The following SPOCK1 variants were observed in gnomAD, a reference collection of about 807,000 sequenced individuals.
SPOCK1 encodes SPARC (osteonectin), cwcv and kazal like domains proteoglycan 1.
Under a neutral mutation model 55.3 loss-of-function variants are expected in SPOCK1, and 23 were observed. The observed-to-expected ratio is 0.42, with a 90% CI of 0.30 to 0.59. SPOCK1 has a LOEUF of 0.59. SPOCK1 is among the 20% of genes least tolerant of loss of function. SPOCK1 has a pLI of 0.22. For missense variants in SPOCK1, 499 were observed against 552.5 expected (o/e 0.90, Z 0.97); for synonymous variants, 226 against 221.0 (o/e 1.02, Z -0.20).
At chr5:136,983,049 C>A (rs1750763524) in intron 9 of SPOCK1, among the ~76,000 whole-genome samples, 1 of 152,132 alleles carries the variant, frequency 6.6e-6, no homozygotes, top group Admixed American at 6.5e-5. Context: ...TGATAGTGTG[C>A]ATCTTCTATG....
intron 5 of SPOCK1, among the ~76,000 whole-genome samples, chr5:137,109,018 T>G (rs959576263): frequency 9.2e-5 from 14 of 152,226 alleles, no homozygotes; most frequent in African/African-American, 3.1e-4. Context: ...CACTGCTCTT[T>G]GCAGCTCAAG....
intron 4 of SPOCK1, among the ~76,000 whole-genome samples, chr5:137,138,398 T>C (rs985613438): frequency 6.6e-6 from 1 of 152,098 alleles, no homozygotes; most frequent in Non-Finnish European, 1.5e-5. Context: ...TCAAACCGAT[T>C]TGAGTTTAAA....
intron 2 of SPOCK1, among the ~76,000 whole-genome samples, chr5:137,298,738 A>C (rs899293975): frequency 2.0e-5 from 3 of 152,142 alleles, no homozygotes; most frequent in Non-Finnish European, 2.9e-5. Context: ...TATTCTTATG[A>C]AGTACCTCTC....
intron 4 of SPOCK1, among the ~76,000 whole-genome samples, chr5:137,115,136 C>T (rs139586506): frequency 6.6e-6 from 1 of 152,112 alleles, no homozygotes; most frequent in East Asian, 1.9e-4. Flanking sequence ...TATCAGAGGG[C>T]CTGGTGCATC....
chr5:137,263,276 T>C (rs1452633801), intron 3 of SPOCK1, among the ~76,000 whole-genome samples: 1 of 152,218 alleles, frequency 6.6e-6, no homozygotes, highest in Non-Finnish European at 1.5e-5. Context: ...ATAATGAGCA[T>C]GTGAATCTTC....
At chr5:137,400,123 G>T (rs1440523816) in intron 2 of SPOCK1, among the ~76,000 whole-genome samples, 1 of 152,196 alleles carries the variant, frequency 6.6e-6, no homozygotes, top group African/African-American at 2.4e-5. Context: ...AGTTAACTGG[G>T]ATATTCTTGC....
intron 6 of SPOCK1, among the ~76,000 whole-genome samples, chr5:137,059,584 C>A (rs545472560): frequency 7.9e-4 from 120 of 152,154 alleles, no homozygotes; most frequent in African/African-American, 2.9e-3. Flanking sequence ...GCAACAAAAA[C>A]AAAAATTGAC....
chr5:137,375,226 A>G (rs1045419454), intron 2 of SPOCK1, among the ~76,000 whole-genome samples: 7 of 152,390 alleles, frequency 4.6e-5, no homozygotes, highest in Admixed American at 3.9e-4. Context: ...TAATAAACTC[A>G]CAAAAAGGAA....
At chr5:137,431,542 T>C (rs1408353626) in intron 2 of SPOCK1, among the ~76,000 whole-genome samples, 1 of 152,196 alleles carries the variant, frequency 6.6e-6, no homozygotes, top group East Asian at 1.9e-4. Flanking sequence ...TGTGGTGGTG[T>C]TGGGAGGTGG....
chr5:137,328,426 T>C (rs1003504089), intron 2 of SPOCK1, among the ~76,000 whole-genome samples: 15 of 152,170 alleles, frequency 9.9e-5, no homozygotes, highest in African/African-American at 3.6e-4. Context: ...CCATGTGGTC[T>C]TCAGGGGAGA....
chr5:137,455,977 A>G lies in SPOCK1; in HGVS notation c.186+42396T>C, dbSNP rs112971048. Reference sequence around the variant, plus strand: ...CAAGGATCCAAGGGTACAGTGAGCTATGATCACACCACTGCACTCCAGCTT... The same window carrying G: ...CAAGGATCCAAGGGTACAGTGAGCTGTGATCACACCACTGCACTCCAGCTT... On this transcript the variant is annotated intron_variant, in intron 2 of 10. Transcript: ENST00000394945. Among the ~76,000 whole-genome samples, 57 of 152,288 alleles carry G rather than the reference A, an allele frequency of 3.7e-4. 1 individual carries two copies. Among genetic ancestry groups the G allele is most frequent in the Non-Finnish European group, 1.0e-4 (7 of 68,018 alleles).
At chr5:137,186,387 G>T (rs541237521) in intron 3 of SPOCK1, among the ~76,000 whole-genome samples, 32 of 152,318 alleles carry the variant, frequency 2.1e-4, no homozygotes, top group Non-Finnish European at 4.3e-4. Context: ...GTGACATAAG[G>T]GCTAGGACTG....
intron 3 of SPOCK1, among the ~76,000 whole-genome samples, chr5:137,208,017 C>G (rs1031344815): frequency 6.6e-6 from 1 of 152,096 alleles, no homozygotes; most frequent in Non-Finnish European, 1.5e-5. Context: ...ATCAAAATCC[C>G]TCCCTCTCCC....
chr5:137,452,729 A>C (rs560689512), intron 2 of SPOCK1, among the ~76,000 whole-genome samples: 1 of 152,338 alleles, frequency 6.6e-6, no homozygotes, highest in South Asian at 2.1e-4. Context: ...TGCAAAAGCT[A>C]TAGTTTCCCT....
chr5:137,457,880 T>C (rs1328954628), intron 2 of SPOCK1, among the ~76,000 whole-genome samples: 1 of 152,114 alleles, frequency 6.6e-6, no homozygotes, highest in Non-Finnish European at 1.5e-5. Flanking sequence ...ATATGGGGGA[T>C]AAACCAAAGG....
chr5:137,074,867 A>G (rs939449467), intron 5 of SPOCK1, among the ~76,000 whole-genome samples: 8 of 151,814 alleles, frequency 5.3e-5, no homozygotes, highest in African/African-American at 1.9e-4. Context: ...ACCACGCCCG[A>G]CTAATTTTTG....
At chr5:137,195,584 T>C (rs1305941080) in intron 3 of SPOCK1, among the ~76,000 whole-genome samples, 1 of 152,188 alleles carries the variant, frequency 6.6e-6, no homozygotes, top group Non-Finnish European at 1.5e-5. Flanking sequence ...GGCCACCCTA[T>C]TTGGCCACAG....
chr5:137,387,703 T>C (rs1751624518), intron 2 of SPOCK1, among the ~76,000 whole-genome samples: 1 of 152,176 alleles, frequency 6.6e-6, no homozygotes, highest in Admixed American at 6.5e-5. Context: ...CTATAGTCTT[T>C]GGATGATAAT....
rs372050373 is a variant in SPOCK1 at position 137,084,397 on chromosome 5, G to T, written c.475-16568C>A. 5.9e-5 allele frequency among the ~76,000 whole-genome samples: 9 copies of T among 151,838 alleles called. No individual in the cohort carries two copies. In the East Asian group the frequency reaches 9.7e-4, roughly 16 times the overall value. On this transcript the variant is annotated intron_variant, in intron 5 of 10. Transcript: ENST00000394945. ...TGCCTATAACTTCCCATTCAACCTG[G>T]GGCCATGGCATGGATAACGTCTTTC...
Sources: allele counts gnomAD v4.1 joint callset (sites outside exome capture counted in the v4.1 genomes callset), GRCh38; gene constraint gnomAD v4.1.1; transcripts MANE v1.5; gene names NCBI Gene and HGNC (gene_info 2026-07-23, HGNC 2026-07-21).